Variants in CSMD3 observed in about 807,000 individuals in gnomAD.
CSMD3 encodes CUB and Sushi multiple domains 3, also known as CUB and sushi domain-containing protein 3.
In CSMD3, 177 loss-of-function variants were observed where a neutral mutation model predicts 435.2. That is an observed-to-expected ratio of 0.41 (90% confidence interval 0.36 to 0.46). The LOEUF (loss-of-function observed/expected upper bound fraction) is 0.46. CSMD3 is among the 20% of genes least tolerant of loss of function. The probability of loss-of-function intolerance (pLI) is 0.34; values close to 1 mark genes in which losing one functional copy is unlikely to be tolerated. For missense variants in CSMD3, 4,265 were observed against 4,504.6 expected (o/e 0.95, Z 1.52); for synonymous variants, 1,656 against 1,520.5 (o/e 1.09, Z -2.07).
At chr8:112,269,618 G>C (rs1817277010) in intron 59 of CSMD3, among the ~76,000 whole-genome samples, 1 of 152,136 alleles carries the variant, frequency 6.6e-6, no homozygotes, top group Non-Finnish European at 1.5e-5. Flanking sequence ...AGGTGGTACT[G>C]CCTGTTAGAC....
chr8:112,341,546 G>T lies in CSMD3; in HGVS notation c.6583C>A (p.His2195Asn), dbSNP rs1289599043. Reference protein sequence around the residue: ...QIPSSLFSTTHETSLYFHSDY... With the variant: ...QIPSSLFSTTNETSLYFHSDY... ...CTGTGAAAATATAAGCTGGTTTCAT[G>T]GGTGGTGCTGAATAAGGAAGATGGT... Residue 2195 changes from histidine to asparagine, a missense_variant, in exon 42 of 71, where the codon CAT becomes AAT. His to Asn is a moderately conservative substitution (Grantham distance 68, BLOSUM62 1). Around this residue, in one of 3 missense-constraint regions of CSMD3, gnomAD observed 3,255 missense variants for 3,380.2 expected, o/e 0.96. Coordinates refer to ENST00000297405, the MANE Select transcript of CSMD3 (RefSeq NM_198123.2). The T allele has an allele frequency of 6.2e-7, 1 of 1,613,250 alleles. No homozygotes were observed. Among genetic ancestry groups the T allele is most frequent in the Admixed American group, 1.7e-5 (1 of 59,950 alleles).
intron 10 of CSMD3, among the ~76,000 whole-genome samples, chr8:112,921,084 T>C (rs979910659): frequency 6.6e-6 from 1 of 151,370 alleles, no homozygotes; most frequent in African/African-American, 2.4e-5. Flanking sequence ...CATATGTATA[T>C]CTTACATATA....
chr8:113,139,915 A>G (rs1250744400), intron 4 of CSMD3, among the ~76,000 whole-genome samples: 2 of 151,198 alleles, frequency 1.3e-5, no homozygotes, highest in African/African-American at 4.8e-5. Flanking sequence ...CTATATTACT[A>G]TCAGATAAAA....
chr8:112,431,469 A>G (rs1813703390), intron 32 of CSMD3, among the ~76,000 whole-genome samples: 1 of 152,146 alleles, frequency 6.6e-6, no homozygotes, highest in South Asian at 2.1e-4. Context: ...CATACAGTAC[A>G]CTAAAAGTTG....
intron 2 of CSMD3, among the ~76,000 whole-genome samples, chr8:113,300,328 C>T (rs1200152047): frequency 6.6e-6 from 1 of 152,078 alleles, no homozygotes. Context: ...TCCACAACTG[C>T]ATATCCACTC....
intron 1 of CSMD3, among the ~76,000 whole-genome samples, chr8:113,323,307 AATAG>A (rs1434405475): frequency 1.3e-5 from 2 of 152,212 alleles, no homozygotes; most frequent in East Asian, 1.9e-4. Flanking sequence ...AAAAAGAATG[AATAG>A]ATAAACAGTA....
At chr8:112,326,918 A>G (rs1254868783) in intron 45 of CSMD3, among the ~76,000 whole-genome samples, 1 of 152,176 alleles carries the variant, frequency 6.6e-6, no homozygotes, top group African/African-American at 2.4e-5. Flanking sequence ...GCTACTTGGG[A>G]GGCTGAGGCA....
chr8:113,263,698 T>A (rs2093445236), intron 3 of CSMD3, among the ~76,000 whole-genome samples: 1 of 151,860 alleles, frequency 6.6e-6, no homozygotes, highest in Non-Finnish European at 1.5e-5. Context: ...TGAACATATA[T>A]GATTAAAAGA....
chr8:112,229,995 T>C (rs2129862794), intron 69 of CSMD3, among the ~76,000 whole-genome samples: 1 of 152,182 alleles, frequency 6.6e-6, no homozygotes, highest in East Asian at 1.9e-4. Context: ...AACTTGTTTA[T>C]GTGGATGTAA....
chr8:112,340,357 C>T (rs542232753), intron 42 of CSMD3, among the ~76,000 whole-genome samples: 1 of 152,232 alleles, frequency 6.6e-6, no homozygotes, highest in African/African-American at 2.4e-5. Flanking sequence ...TTACATTATG[C>T]ACGCAAGTAT....
chr8:112,973,016 G>A (rs1232437800), intron 7 of CSMD3, among the ~76,000 whole-genome samples: 2 of 151,930 alleles, frequency 1.3e-5, no homozygotes, highest in Non-Finnish European at 2.9e-5. Flanking sequence ...AGAATACAGT[G>A]TTTGGCTAAT....
rs569547425 is a variant in CSMD3, at chr8:113,018,977, GC to G, written c.1030+89del. The G allele has an allele frequency of 1.3e-4, 114 of 887,886 alleles. 1 individual carries two copies. In the South Asian group the frequency reaches 1.5e-3, roughly 11 times the overall value. The allele number at this position is 887,886 out of a possible 1,614,324, so 55.0% of individuals were successfully genotyped here. On this transcript the variant is annotated intron_variant, in intron 6 of 70. Coordinates refer to ENST00000297405, the MANE Select transcript of CSMD3 (RefSeq NM_198123.2). The stretch of plus-strand genomic sequence containing the variant: ...TCAATACAAATTCCAATTTCTAAAT[GC>G]TAAAGACATTTTTCTATCACAAAAC...
chr8:112,921,509 G>T, intron 10 of CSMD3, 118 bp downstream of exon 10: 1 of 898,284 alleles, frequency 1.1e-6, no homozygotes, highest in Non-Finnish European at 1.8e-6. Flanking sequence ...AAATATATGA[G>T]CACAATCTTT....
chr8:112,762,426 A>G (rs2077863068), intron 13 of CSMD3, among the ~76,000 whole-genome samples: 1 of 151,954 alleles, frequency 6.6e-6, no homozygotes, highest in Non-Finnish European at 1.5e-5. Context: ...GTGAATTGTC[A>G]ATGCTTTTAA....
At chr8:112,263,859 G>A (rs1409995958) in intron 60 of CSMD3, 47 bp from the exon 61 acceptor site, 2 of 1,488,304 alleles carry the variant, frequency 1.3e-6, no homozygotes, top group South Asian at 2.3e-5. Flanking sequence ...GAAATATCCT[G>A]AGCCTTAAAG....
chr8:113,026,520 T>C (rs886977207), intron 5 of CSMD3, among the ~76,000 whole-genome samples: 7 of 152,220 alleles, frequency 4.6e-5, no homozygotes, highest in Non-Finnish European at 1.5e-5. Context: ...CTTTACTTAG[T>C]GATAAGTTTT....
chr8:113,065,479 T>C (rs2088812540), intron 5 of CSMD3, among the ~76,000 whole-genome samples: 3 of 152,064 alleles, frequency 2.0e-5, no homozygotes, highest in Admixed American at 6.5e-5. Context: ...CTCCGCCTCC[T>C]GGGTTCACGC....
chr8:112,966,830 CAT>C (rs1187951062), intron 7 of CSMD3, among the ~76,000 whole-genome samples: 1 of 151,876 alleles, frequency 6.6e-6, no homozygotes, highest in African/African-American at 2.4e-5. Context: ...CCCTTGCACT[CAT>C]AAATTTCCCA....
At chr8:112,635,064 T>C (rs188687727) in intron 22 of CSMD3, among the ~76,000 whole-genome samples, 1 of 151,930 alleles carries the variant, frequency 6.6e-6, no homozygotes, top group African/African-American at 2.4e-5. Context: ...TAGCAGGTCC[T>C]TATAATGTTA....
Sources: gnomAD v4.1 joint callset for allele counts (sites outside exome capture counted in the v4.1 genomes callset) on GRCh38, gnomAD v4.1.1 for gene constraint, gnomAD v4.1.1 regional missense constraint, MANE v1.5 for transcripts, NCBI Gene and HGNC (gene_info 2026-07-23, HGNC 2026-07-21) for gene names.